Variants in CHST2 observed in about 807,000 individuals in gnomAD.
The protein encoded by CHST2 is carbohydrate sulfotransferase 2, also known as N-acetylglucosamine 6-O-sulfotransferase 1.
A neutral mutation model predicts 34.6 loss-of-function variants in CHST2; 23 were observed. The ratio of observed to expected loss-of-function variants is 0.67; its 90% CI spans 0.48 to 0.94. CHST2 has a LOEUF of 0.94. CHST2 is among the 40% of genes least tolerant of loss of function. CHST2 has a pLI of 0.00. For synonymous variants in CHST2, 392 were observed against 343.1 expected, an observed-to-expected ratio of 1.14 and a Z score of -1.58; for missense variants, 720 against 759.5, an observed-to-expected ratio of 0.95 and a Z score of 0.61.
Position 143,121,490 on chromosome 3 carries a change from G to A in CHST2, c.674G>A (p.Arg225His). 6.2e-7 allele frequency: 1 copy of A among 1,612,306 alleles called. No homozygotes were observed. Among genetic ancestry groups the A allele is most frequent in the Non-Finnish European group, 8.5e-7 (1 of 1,179,316 alleles). The change falls in exon 2 of 2, where the codon CGC (arginine) becomes CAC (histidine). Residue 225 changes from arginine to histidine, a missense_variant. Transcript: ENST00000309575. The stretch of plus-strand genomic sequence containing the variant: ...CGGGACATGCTGAGCGCTCTTTACC[G>A]CTGCGACCTCTCTGTCTTCCAGTTG... ...AARDMLSALYRCDLSVFQLYS... is the reference protein window; with the variant it reads ...AARDMLSALYHCDLSVFQLYS...
chr3:143,121,399 G>C lies in CHST2; in HGVS notation c.583G>C (p.Glu195Gln). The C allele has an allele frequency of 6.2e-7, 1 of 1,613,868 alleles. No homozygotes were observed. The highest frequency in any genetic ancestry group is 8.5e-7 in the Non-Finnish European group (1 of 1,180,012). The change falls in exon 2 of 2, where the codon GAG becomes CAG. Residue 195 changes from glutamate (E) to glutamine (Q), a missense_variant. Glu to Gln is a conservative substitution (Grantham distance 29, BLOSUM62 2). Coordinates refer to ENST00000309575, the MANE Select transcript of CHST2 (RefSeq NM_004267.5). The part of the protein sequence containing the change: ...NQNPEVFFLY[E>Q]PVWHVWQKLY... ...GAATCCCGAGGTGTTCTTTCTCTAC[G>C]AGCCAGTGTGGCATGTATGGCAAAA...
Position 143,121,004 on chromosome 3 carries a change from C to T in CHST2, c.188C>T (p.Ala63Val), listed in dbSNP as rs1337760210. 7 of 1,543,480 alleles carry T rather than the reference C, an allele frequency of 4.5e-6. No individual in the cohort carries two copies. Among genetic ancestry groups the T allele is most frequent in the Admixed American group, 2.0e-5 (1 of 50,316 alleles). ...GCGCTGGTGTTGTGCGCGGGCTATG[C>T]ACTGCTGCTGGTGCTCACTATGCTC... ...RKALVLCAGY[A>V]LLLVLTMLNL... is the part of the protein sequence containing the mutation. Residue 63 changes from alanine to valine, a missense_variant, in exon 2 of 2, where the codon GCA becomes GTA. Ala to Val is a moderately conservative substitution (Grantham distance 64, BLOSUM62 0). This residue lies in a region of CHST2 where 287 missense variants were observed against 242.7 expected (regional missense o/e 1.18). Coordinates refer to ENST00000309575, the MANE Select transcript of CHST2 (RefSeq NM_004267.5).
At position 143,120,516 on chromosome 3, in the gene CHST2, G is replaced by A. The variant is rs1326747599; in HGVS notation, c.-199G>A. On this transcript the variant is annotated 5_prime_UTR_variant, in exon 1 of 2. Transcript: ENST00000309575. The surrounding 1 kb of genome is among the most constrained non-coding windows in gnomAD (Gnocchi z 4.1). ...GTCCGCCGGGCGGTGATCCGGGGCC[G>A]CTCCCGGGCGCGCCCTCGGCTCCAG... 1 of 216,724 alleles carries A rather than the reference G, an allele frequency of 4.6e-6. No individual in the cohort carries two copies. The highest frequency in any genetic ancestry group is 1.0e-4 in the East Asian group (1 of 9,812). 13.4% of individuals were successfully genotyped at this position (216,724 alleles called of 1,614,324 possible). A position where few individuals can be genotyped will look rare whatever the true frequency, so the allele number is the denominator to read the frequency against.
In CHST2 at chr3:143,122,879, A is replaced by G. The variant is rs1278380374; in HGVS notation, c.*470A>G. 1 of 168,272 alleles carries G rather than the reference A, an allele frequency of 5.9e-6. No individual in the cohort carries two copies. The highest frequency in any genetic ancestry group is 1.4e-5 in the Non-Finnish European group (1 of 68,990). 10.4% of individuals were successfully genotyped at this position (168,272 alleles called of 1,614,324 possible). A position where few individuals can be genotyped will look rare whatever the true frequency, so the allele number is the denominator to read the frequency against. The stretch of plus-strand genomic sequence containing the variant: ...AAGCCCCATTGGGCATGATAAGCCG[A>G]GGAGGCATTCTTCTAAAGCAGACTT... On this transcript the variant is annotated 3_prime_UTR_variant, in exon 2 of 2. Coordinates refer to ENST00000309575, the MANE Select transcript of CHST2 (RefSeq NM_004267.5).
In CHST2 at chr3:143,122,477, A is replaced by C. The variant is rs578013222; in HGVS notation, c.*68A>C. On this transcript the variant is annotated 3_prime_UTR_variant, in exon 2 of 2. Coordinates refer to ENST00000309575, the MANE Select transcript of CHST2 (RefSeq NM_004267.5). ...AAAGAGGATCGTAGTGTGTTTAAAT[A>C]AACACAGTCCAGACTCAAACGGAGG... 1 of 1,430,280 alleles carries C rather than the reference A, an allele frequency of 7.0e-7. No individual in the cohort carries two copies. The highest frequency in any genetic ancestry group is 1.5e-5 in the South Asian group (1 of 67,892). 88.6% of individuals were successfully genotyped at this position (1,430,280 alleles called of 1,614,324 possible).
At position 143,120,926 on chromosome 3, in the gene CHST2, C is replaced by G. The variant is rs1054859724; in HGVS notation, c.110C>G (p.Pro37Arg). 2.4e-5 allele frequency: 37 copies of G among 1,518,680 alleles called. No individual in the cohort carries two copies. The highest frequency in any genetic ancestry group is 3.1e-5 in the Non-Finnish European group (35 of 1,134,504). 94.1% of individuals were successfully genotyped at this position (1,518,680 alleles called of 1,614,324 possible). A position where few individuals can be genotyped will look rare whatever the true frequency, so the allele number is the denominator to read the frequency against. The change falls in exon 2 of 2, where the codon CCA (proline) becomes CGA (arginine). Residue 37 changes from proline (P) to arginine (R), a missense_variant. Pro to Arg is a moderately radical substitution (Grantham distance 103). This residue lies in a region of CHST2 where 287 missense variants were observed against 242.7 expected (regional missense o/e 1.18). Coordinates refer to ENST00000309575, the MANE Select transcript of CHST2 (RefSeq NM_004267.5). The surrounding 1 kb of genome is among the most constrained non-coding windows in gnomAD (Gnocchi z 4.1). Reference protein sequence around the residue: ...RALLPQWPRRPGRRWPASPLG... With the variant: ...RALLPQWPRRRGRRWPASPLG... ...CTGCTCCCGCAGTGGCCCCGGCGCC[C>G]AGGACGCCGCTGGCCCGCGTCCCCT...
rs1419146106 is a variant in CHST2, at chr3:143,120,771, C to T, written c.-46C>T. ...CAGCCCGCTGCGTCCCCTTCCCGGG[C>T]TGCAGGGCTGCCTCCGCCGCGCCGC... On this transcript the variant is annotated 5_prime_UTR_variant, in exon 2 of 2. Transcript: ENST00000309575. This position sits in a 1 kb window ranked among gnomAD's most constrained non-coding sequence, Gnocchi z 4.1. 2.5e-6 allele frequency: 3 copies of T among 1,214,028 alleles called. No individual in the cohort carries two copies. Among genetic ancestry groups the T allele is most frequent in the Non-Finnish European group, 3.1e-6 (3 of 978,588 alleles). The allele number at this position is 1,214,028 out of a possible 1,614,324, so 75.2% of individuals were successfully genotyped here.
Position 143,123,236 on chromosome 3 carries a change from ACT to A in CHST2, c.*832_*833del, listed in dbSNP as rs1936255231. On this transcript the variant is annotated 3_prime_UTR_variant, in exon 2 of 2. Transcript: ENST00000309575. ...AGGGCAGTGGAAGAAAAAGCACACTACTCTCTTCAACTTTGAACACAGGAAGA... is the reference window on the plus strand; with the variant it reads ...AGGGCAGTGGAAGAAAAAGCACACTACTCTTCAACTTTGAACACAGGAAGA... 1.3e-5 allele frequency: 2 copies of A among 151,956 alleles called. No homozygotes were observed. The highest frequency in any genetic ancestry group is 1.3e-4 in the Admixed American group (2 of 15,248). The allele number at this position is 151,956 out of a possible 1,614,324, so 9.4% of individuals were successfully genotyped here.
In CHST2 at chr3:143,121,480, G is replaced by A. The variant is rs1160891339; in HGVS notation, c.664G>A (p.Ala222Thr). ...LQGAARDMLS[A>T]LYRCDLSVFQ... ...GGGGGCAGCGCGGGACATGCTGAGC[G>A]CTCTTTACCGCTGCGACCTCTCTGT... Residue 222 changes from alanine to threonine, a missense_variant, in exon 2 of 2, where the codon GCT (alanine) becomes ACT (threonine). Around this residue, in one of 4 missense-constraint regions of CHST2, gnomAD observed 166 missense variants for 211.4 expected, o/e 0.79. Coordinates refer to ENST00000309575, the MANE Select transcript of CHST2 (RefSeq NM_004267.5). The A allele has an allele frequency of 1.2e-6, 2 of 1,612,834 alleles. No individual in the cohort carries two copies. Among genetic ancestry groups the A allele is most frequent in the Admixed American group, 1.7e-5 (1 of 60,006 alleles).
At position 143,122,069 on chromosome 3, in the gene CHST2, G is replaced by A; in HGVS notation, c.1253G>A (p.Gly418Asp). 3 of 1,614,156 alleles carry A rather than the reference G, an allele frequency of 1.9e-6. No individual in the cohort carries two copies. Among genetic ancestry groups the A allele is most frequent in the Non-Finnish European group, 2.5e-6 (3 of 1,180,000 alleles). The change falls in exon 2 of 2, where the codon GGC becomes GAC. Residue 418 changes from glycine (G) to aspartate (D), a missense_variant. Gly to Asp is a moderately conservative substitution (Grantham distance 94). This residue lies in a region of CHST2 where 224 missense variants were observed against 227.8 expected (regional missense o/e 0.98). Coordinates refer to ENST00000309575, the MANE Select transcript of CHST2 (RefSeq NM_004267.5). ...TALQPPDWLQ[G>D]HYLVVRYEDL... Reference sequence around the variant, plus strand: ...CTGCAGCCCCCTGACTGGCTGCAGGGCCACTACCTGGTGGTGCGGTACGAG... The same window carrying A: ...CTGCAGCCCCCTGACTGGCTGCAGGACCACTACCTGGTGGTGCGGTACGAG...
At position 143,119,933 on chromosome 3, in the gene CHST2, G is replaced by C. The variant is rs1936180212; in HGVS notation, c.-782G>C. On this transcript the variant is annotated 5_prime_UTR_variant, in exon 1 of 2. Coordinates refer to ENST00000309575, the MANE Select transcript of CHST2 (RefSeq NM_004267.5). ...AGCGCTGGTACCGGGGGCGGGTTGG[G>C]TCGGGTCGGGCAGTGCTGCACACCT... 6.6e-6 allele frequency: 1 copy of C among 151,062 alleles called. No homozygotes were observed. The highest frequency in any genetic ancestry group is 2.4e-5 in the African/African-American group (1 of 40,916). 9.4% of individuals were successfully genotyped at this position (151,062 alleles called of 1,614,324 possible). A position where few individuals can be genotyped will look rare whatever the true frequency, so the allele number is the denominator to read the frequency against.
chr3:143,122,208 C>G lies in CHST2; in HGVS notation c.1392C>G (p.Ser464=). Residue 464 remains serine, a synonymous_variant, in exon 2 of 2, where the codon TCC becomes TCG. Coordinates refer to ENST00000309575, the MANE Select transcript of CHST2 (RefSeq NM_004267.5). ...TGAACATGACCAGTGGCTCGGGCTC[C>G]TCCTCCAAGCCTTTCGTGGTATCTG... ...FALNMTSGSG[S]SSKPFVVSAR... 1 of 1,614,052 alleles carries G rather than the reference C, an allele frequency of 6.2e-7. No individual in the cohort carries two copies. The highest frequency in any genetic ancestry group is 8.5e-7 in the Non-Finnish European group (1 of 1,179,980).
chr3:143,121,200 TC>T lies in CHST2; in HGVS notation c.387del (p.Ala130LeufsTer91). 6.4e-7 allele frequency: 1 copy of T among 1,557,886 alleles called. No homozygotes were observed. The highest frequency in any genetic ancestry group is 8.6e-7 in the Non-Finnish European group (1 of 1,156,874). ...RLDLRTPYRP[P>X]AAAVGAAPAA... Reference sequence around the variant, plus strand: ...TGGACCTCCGCACTCCTTACCGCCCTCCCGCTGCCGCCGTCGGGGCGGCTCC... The same window carrying T: ...TGGACCTCCGCACTCCTTACCGCCCTCCGCTGCCGCCGTCGGGGCGGCTCC... On this transcript the variant is annotated frameshift_variant, in exon 2 of 2. Coordinates refer to ENST00000309575, the MANE Select transcript of CHST2 (RefSeq NM_004267.5). LOFTEE classifies it high-confidence loss of function.
rs759255333 is a variant in CHST2 at position 143,120,863 on chromosome 3, G to T, written c.47G>T (p.Arg16Leu). 2.2e-6 allele frequency: 3 copies of T among 1,377,226 alleles called. No individual in the cohort carries two copies. The highest frequency in any genetic ancestry group is 3.9e-5 in the Admixed American group (1 of 25,578). 85.3% of individuals were successfully genotyped at this position (1,377,226 alleles called of 1,614,324 possible). A position where few individuals can be genotyped will look rare whatever the true frequency, so the allele number is the denominator to read the frequency against. Reference protein sequence around the residue: ...QRALPPGALPRLLQAAPAAAP... With the variant: ...QRALPPGALPLLLQAAPAAAP... ...GCTCTGCCCCCGGGCGCGCTCCCTCGGCTGCTCCAGGCTGCGCCTGCAGCC... is the reference window on the plus strand; with the variant it reads ...GCTCTGCCCCCGGGCGCGCTCCCTCTGCTGCTCCAGGCTGCGCCTGCAGCC... The change falls in exon 2 of 2, where the codon CGG becomes CTG. Residue 16 changes from arginine to leucine, a missense_variant. By Grantham distance (102) the Arg-to-Leu change is moderately radical. Transcript: ENST00000309575. This position sits in a 1 kb window ranked among gnomAD's most constrained non-coding sequence, Gnocchi z 4.1.
Position 143,121,840 on chromosome 3 carries a change from A to T in CHST2, c.1024A>T (p.Ile342Phe). ...RDPRAVASSRIRSRHGLIRES... is the reference protein window; with the variant it reads ...RDPRAVASSRFRSRHGLIRES... ...TCCCCGCGCGGTGGCGAGTTCACGG[A>T]TCCGCTCGCGCCACGGCCTCATCCG... Residue 342 changes from isoleucine to phenylalanine, a missense_variant, in exon 2 of 2, where the codon ATC (isoleucine) becomes TTC (phenylalanine). By Grantham distance (21) the Ile-to-Phe change is conservative (BLOSUM62 0). Around this residue, in one of 4 missense-constraint regions of CHST2, gnomAD observed 166 missense variants for 211.4 expected, o/e 0.79. Coordinates refer to ENST00000309575, the MANE Select transcript of CHST2 (RefSeq NM_004267.5). The T allele has an allele frequency of 6.3e-7, 1 of 1,589,468 alleles. No homozygotes were observed.
rs1369725649 is a variant in CHST2, at chr3:143,122,129, G to A, written c.1313G>A (p.Arg438Lys). Residue 438 changes from arginine (R) to lysine (K), a missense_variant, in exon 2 of 2, where the codon AGA becomes AAA. Physicochemically the swap from Arg to Lys is conservative, Grantham distance 26 (BLOSUM62 2). Around this residue, in one of 4 missense-constraint regions of CHST2, gnomAD observed 224 missense variants for 227.8 expected, o/e 0.98. Transcript: ENST00000309575. ...GGAGACCCCGTCAAGACACTACGGAGAGTGTACGATTTTGTGGGACTGTTG... is the reference window on the plus strand; with the variant it reads ...GGAGACCCCGTCAAGACACTACGGAAAGTGTACGATTTTGTGGGACTGTTG... Reference protein sequence around the residue: ...LVGDPVKTLRRVYDFVGLLVS... With the variant: ...LVGDPVKTLRKVYDFVGLLVS... The A allele has an allele frequency of 1.2e-6, 2 of 1,614,226 alleles. No homozygotes were observed. The highest frequency in any genetic ancestry group is 1.1e-5 in the South Asian group (1 of 91,084).
Position 143,122,403 on chromosome 3 carries a change from T to C in CHST2, c.1587T>C (p.Arg529=), listed in dbSNP as rs764281098. Residue 529 remains arginine, a synonymous_variant, in exon 2 of 2, where the codon CGT becomes CGC. Coordinates refer to ENST00000309575, the MANE Select transcript of CHST2 (RefSeq NM_004267.5). The part of the protein sequence containing the change: ...DLSKTLLRKP[R]L ...GCAAGACCCTGCTTCGGAAGCCCCG[T>C]CTCTAAAAGGGGTTCCCAGGAGACC... The C allele has an allele frequency of 1.9e-6, 3 of 1,589,378 alleles. No individual in the cohort carries two copies. The highest frequency in any genetic ancestry group is 2.6e-6 in the Non-Finnish European group (3 of 1,168,342).
rs1359573733 is a variant in CHST2 at position 143,122,045 on chromosome 3, T to A, written c.1229T>A (p.Leu410Gln). The change falls in exon 2 of 2, where the codon CTG becomes CAG. Residue 410 changes from leucine (L) to glutamine (Q), a missense_variant. By Grantham distance (113) the Leu-to-Gln change is moderately radical. This residue lies in a region of CHST2 where 224 missense variants were observed against 227.8 expected (regional missense o/e 0.98). Transcript: ENST00000309575. ...ATGGCTAAGACGCTGCAGACAGCCC[T>A]GCAGCCCCCTGACTGGCTGCAGGGC... ...NSMAKTLQTA[L>Q]QPPDWLQGHY... is the part of the protein sequence containing the mutation. 4.3e-6 allele frequency: 7 copies of A among 1,613,652 alleles called. No individual in the cohort carries two copies. The African/African-American group carries it at 9.3e-5, about 22-fold the overall frequency.
rs1936210463 is a variant in CHST2 at position 143,121,212 on chromosome 3, C to T, written c.396C>T (p.Ala132=). 1.3e-6 allele frequency: 2 copies of T among 1,568,650 alleles called. No individual in the cohort carries two copies. Among genetic ancestry groups the T allele is most frequent in the South Asian group, 1.2e-5 (1 of 85,952 alleles). The change falls in exon 2 of 2, where the codon GCC becomes GCT. Residue 132 remains alanine, a synonymous_variant. Transcript: ENST00000309575. The part of the protein sequence containing the change: ...LRTPYRPPAA[A]VGAAPAAAAG... ...CTCCTTACCGCCCTCCCGCTGCCGC[C>T]GTCGGGGCGGCTCCTGCAGCCGCGG...
Sources: gnomAD v4.1 joint callset for allele counts on GRCh38, gnomAD v4.1.1 for gene constraint, gnomAD v4.1.1 regional missense constraint, Gnocchi (gnomAD v3.1) non-coding constraint, MANE v1.5 for transcripts, NCBI Gene and HGNC (gene_info 2026-07-23, HGNC 2026-07-21) for gene names.